Variants in PRKN observed in about 807,000 individuals in gnomAD.
PRKN encodes parkin RBR E3 ubiquitin protein ligase.
In PRKN, 56 loss-of-function variants were observed where a neutral mutation model predicts 59.5. The observed-to-expected ratio is 0.94, with a 90% CI of 0.76 to 1.18. PRKN has a LOEUF of 1.18. PRKN is among the 50% of genes most tolerant of loss of function. The pLI, the probability that PRKN is intolerant of heterozygous loss-of-function variation, is 0.00. For missense variants in PRKN, 657 were observed against 596.4 expected (o/e 1.10, Z -1.06); for synonymous variants, 250 against 222.1 (o/e 1.13, Z -1.12).
At chr6:161,857,338 C>T (rs1171352705) in intron 6 of PRKN, among the ~76,000 whole-genome samples, 1 of 152,196 alleles carries the variant, frequency 6.6e-6, no homozygotes. Context: ...ACAGACAATG[C>T]ATATGAGTAG....
At chr6:162,105,624 T>C (rs901593891) in intron 4 of PRKN, among the ~76,000 whole-genome samples, 1 of 152,132 alleles carries the variant, frequency 6.6e-6, no homozygotes, top group Non-Finnish European at 1.5e-5. Flanking sequence ...GGTCTCAAAC[T>C]CCTGACCTCA....
intron 4 of PRKN, among the ~76,000 whole-genome samples, chr6:162,135,557 A>C (rs1282544673): frequency 6.6e-6 from 1 of 152,126 alleles, no homozygotes; most frequent in African/African-American, 2.4e-5. Flanking sequence ...TGAGGCTCAA[A>C]ATTTTAAATC....
chr6:161,933,657 G>C, intron 6 of PRKN, among the ~76,000 whole-genome samples: 1 of 151,044 alleles, frequency 6.6e-6, no homozygotes, highest in Non-Finnish European at 1.5e-5. Flanking sequence ...TGTAAATGAA[G>C]CTCACAGTTC....
intron 1 of PRKN, among the ~76,000 whole-genome samples, chr6:162,668,950 T>C (rs1295664546): frequency 6.6e-6 from 1 of 152,150 alleles, no homozygotes; most frequent in Non-Finnish European, 1.5e-5. Flanking sequence ...TGACTTACAA[T>C]CATGGTTTCC....
At chr6:162,443,525 C>T (rs1266362449) in intron 1 of PRKN, 52 bp from the exon 2 acceptor site, 2 of 1,552,334 alleles carry the variant, frequency 1.3e-6, no homozygotes, top group Admixed American at 1.7e-5. Flanking sequence ...ACTCGAAGCC[C>T]TTAAATGGTG....
rs916461291 is a variant in PRKN, at chr6:161,480,248, A to G, written c.1083+68606T>C. The stretch of plus-strand genomic sequence containing the variant: ...AAGACACAGAGCCCCTTCTTCAAAA[A>G]TGATTTAGCATTTCAAGATATTAGC... On this transcript the variant is annotated intron_variant, in intron 9 of 11. Coordinates refer to ENST00000366898, the MANE Select transcript of PRKN (RefSeq NM_004562.3). This position sits in a 1 kb window ranked among gnomAD's most constrained non-coding sequence, Gnocchi z 4.1. Among the ~76,000 whole-genome samples the G allele has an allele frequency of 6.6e-6, 1 of 152,160 alleles. No individual in the cohort carries two copies. The highest frequency in any genetic ancestry group is 1.5e-5 in the Non-Finnish European group (1 of 68,030).
chr6:162,443,191 G>T (rs987154177), intron 2 of PRKN, 119 bp downstream of exon 2: 9 of 1,020,232 alleles, frequency 8.8e-6, no homozygotes, highest in African/African-American at 8.0e-5. Context: ...AAAGTTCAAG[G>T]AATCCCCAGG....
chr6:161,995,271 A>C (rs565557537), intron 5 of PRKN, among the ~76,000 whole-genome samples: 1 of 152,300 alleles, frequency 6.6e-6, no homozygotes, highest in East Asian at 1.9e-4. Flanking sequence ...ATATGCAAAA[A>C]TCAAGGCAGA....
intron 2 of PRKN, among the ~76,000 whole-genome samples, chr6:162,396,258 G>A (rs931026967): frequency 2.0e-5 from 3 of 152,122 alleles, no homozygotes; most frequent in African/African-American, 7.2e-5. Context: ...AATGAGAAGT[G>A]GATTGTCATT....
chr6:161,613,388 A>G (rs1417302784), intron 7 of PRKN, among the ~76,000 whole-genome samples: 3 of 152,112 alleles, frequency 2.0e-5, no homozygotes, highest in Non-Finnish European at 2.9e-5. Flanking sequence ...TTAAGTTGGA[A>G]TCTACTTCTG....
At chr6:162,364,976 TCTC>T (rs778532548) in intron 2 of PRKN, among the ~76,000 whole-genome samples, 61 of 140,824 alleles carry the variant, frequency 4.3e-4, no homozygotes, top group African/African-American at 6.9e-4. Context: ...TCTCTCTCTC[TCTC>T]TTTTTTTTTT....
chr6:161,753,959 C>T (rs140464858), intron 7 of PRKN, among the ~76,000 whole-genome samples: 3 of 152,150 alleles, frequency 2.0e-5, no homozygotes, highest in South Asian at 2.1e-4. Context: ...CATAGGAGCA[C>T]GGGAAATCCA....
intron 4 of PRKN, among the ~76,000 whole-genome samples, chr6:162,157,248 T>G (rs1305152139): frequency 6.6e-6 from 1 of 151,940 alleles, no homozygotes; most frequent in Non-Finnish European, 1.5e-5. Context: ...CAAGAACCCT[T>G]CCTGCACAGA....
Position 161,636,587 on chromosome 6 carries a change from C to T in PRKN, c.872-67171G>A, listed in dbSNP as rs149888760. On this transcript the variant is annotated intron_variant, in intron 7 of 11. Transcript: ENST00000366898. Reference sequence around the variant, plus strand: ...CTATTTGCAACGAAAGAGCCACTTGCTCCTGTTTCGGAATGCCCATGGGAA... The same window carrying T: ...CTATTTGCAACGAAAGAGCCACTTGTTCCTGTTTCGGAATGCCCATGGGAA... 4.2e-3 allele frequency among the ~76,000 whole-genome samples: 636 copies of T among 152,264 alleles called. 2 individuals are homozygous for T. Among genetic ancestry groups the T allele is most frequent in the Non-Finnish European group, 7.6e-3 (517 of 68,014 alleles).
At chr6:161,652,513 T>G (rs756284793) in intron 7 of PRKN, among the ~76,000 whole-genome samples, 6 of 152,206 alleles carry the variant, frequency 3.9e-5, no homozygotes, top group Non-Finnish European at 1.5e-5. Context: ...TATGTTGCTT[T>G]AAGTATTTTT....
chr6:162,170,180 G>A (rs922964464), intron 4 of PRKN, among the ~76,000 whole-genome samples: 1 of 152,106 alleles, frequency 6.6e-6, no homozygotes, highest in African/African-American at 2.4e-5. Flanking sequence ...ACCCTTCTGA[G>A]GGATGAGGGT....
chr6:162,168,578 A>G (rs939757372), intron 4 of PRKN, among the ~76,000 whole-genome samples: 1 of 151,114 alleles, frequency 6.6e-6, no homozygotes, highest in Non-Finnish European at 1.5e-5. Context: ...AAAAAAAAAA[A>G]AAAATCAAAG....
intron 2 of PRKN, among the ~76,000 whole-genome samples, chr6:162,336,426 T>C (rs1199279744): frequency 6.6e-6 from 1 of 152,112 alleles, no homozygotes; most frequent in East Asian, 1.9e-4. Context: ...ATTTTAAAAC[T>C]TAAAGCCACA....
chr6:162,207,403 G>T (rs537194689), intron 3 of PRKN, among the ~76,000 whole-genome samples: 1 of 152,138 alleles, frequency 6.6e-6, no homozygotes, highest in East Asian at 1.9e-4. Flanking sequence ...TGGGGATAAC[G>T]ACCATTTCAC....
Sources: gnomAD v4.1 joint callset for allele counts (sites outside exome capture counted in the v4.1 genomes callset) on GRCh38, gnomAD v4.1.1 for gene constraint, Gnocchi (gnomAD v3.1) non-coding constraint, MANE v1.5 for transcripts, NCBI Gene and HGNC (gene_info 2026-07-23, HGNC 2026-07-21) for gene names.